DACT2: variants seen among roughly 807,000 people sequenced by gnomAD.
The protein encoded by DACT2 is dapper homolog 2.
A neutral mutation model predicts 22.2 loss-of-function variants in DACT2; 20 were observed. That is an observed-to-expected ratio of 0.90 (90% CI 0.63 to 1.31). DACT2 has a LOEUF of 1.31. Ranked by LOEUF, DACT2 falls within the 50% of genes most tolerant of loss-of-function variation. The probability of loss-of-function intolerance (pLI) is 0.00; values close to 1 mark genes in which losing one functional copy is unlikely to be tolerated. For synonymous variants in DACT2, 463 were observed against 479.8 expected (o/e 0.96, Z 0.46); for missense variants, 1,048 against 1,061.4 (o/e 0.99, Z 0.18).
At chr6:168,306,878 C>A, downstream of DACT2, 1 of 987,710 alleles carries the variant, frequency 1.0e-6, no homozygotes, top group Non-Finnish European at 1.2e-6. Flanking sequence ...TACCATGTGC[C>A]ACACAAGGAA....
chr6:168,294,647 G>A lies in DACT2; in HGVS notation c.716C>T (p.Ser239Phe), dbSNP rs1402717899. Residue 239 changes from serine (S) to phenylalanine (F), a missense_variant, in exon 4 of 6, where the codon TCC becomes TTC. By Grantham distance (155) the Ser-to-Phe change is radical. Transcript: ENST00000366796. Reference sequence around the variant, plus strand: ...TCCTTCCCTACCTGTCAGTGAACTGGAGGTGCAGCCTGCAGGCGGAGCATG... The same window carrying A: ...TCCTTCCCTACCTGTCAGTGAACTGAAGGTGCAGCCTGCAGGCGGAGCATG... The A allele has an allele frequency of 3.4e-6, 5 of 1,475,132 alleles. No homozygotes were observed. The African/African-American group carries it at 7.5e-5, about 22-fold the overall frequency. 91.4% of individuals were successfully genotyped at this position (1,475,132 alleles called of 1,614,324 possible).
chr6:168,314,439 C>T (rs1779496619), intron 1 of DACT2, among the ~76,000 whole-genome samples: 1 of 152,236 alleles, frequency 6.6e-6, no homozygotes, highest in African/African-American at 2.4e-5. Flanking sequence ...TTTCTTGAGA[C>T]TCTACCAGGT....
Position 168,311,286 on chromosome 6 carries a change from T to C in DACT2, c.247-2A>G. ...GATGTCCTGTTGTCTCAGCCGGGAC[T>C]GAGAAGGGAAAGAAGAGAAAGGGAA... is the stretch of plus-strand genomic sequence containing the variant. On this transcript the variant is annotated splice_acceptor_variant, in intron 1 of 3. Transcript: ENST00000366795. LOFTEE classifies it high-confidence loss of function. 1.9e-6 allele frequency: 3 copies of C among 1,541,164 alleles called. No individual in the cohort carries two copies. Among genetic ancestry groups the C allele is most frequent in the Non-Finnish European group, 2.6e-6 (3 of 1,138,146 alleles).
At chr6:168,306,175 T>G (rs1355132338), downstream of DACT2, among the ~76,000 whole-genome samples, 1 of 152,170 alleles carries the variant, frequency 6.6e-6, no homozygotes, top group Non-Finnish European at 1.5e-5. Flanking sequence ...ACTGGCTTCC[T>G]CCCAACGATC....
chr6:168,308,093 T>A lies in DACT2; in HGVS notation c.1664A>T (p.Glu555Val), dbSNP rs1359511161. The A allele has an allele frequency of 1.9e-6, 3 of 1,544,824 alleles. No individual in the cohort carries two copies. The highest frequency in any genetic ancestry group is 2.6e-6 in the Non-Finnish European group (3 of 1,143,296). ...GLQRRPALAW[E>V]APGRSCSEST... ...CTCAGAACAGGAGCGCCCGGGTGCC[T>A]CCCAGGCCAGGGCTGGCCTCCGCTG... The change falls in exon 4 of 4, where the codon GAG (glutamate) becomes GTG (valine). Residue 555 changes from glutamate (E) to valine (V), a missense_variant. By Grantham distance (121) the Glu-to-Val change is moderately radical. Coordinates refer to ENST00000366795, the MANE Select transcript of DACT2 (RefSeq NM_214462.5).
chr6:168,307,607 A>G lies in DACT2; in HGVS notation c.2150T>C (p.Leu717Pro). 1 of 1,548,882 alleles carries G rather than the reference A, an allele frequency of 6.5e-7. No individual in the cohort carries two copies. The highest frequency in any genetic ancestry group is 8.7e-7 in the Non-Finnish European group (1 of 1,145,448). ...GAQSRDCDLA[L>P]GYVAAGHAEL... ...CGCATGCCCGGCCGCCACATAGCCC[A>G]GTGCCAGGTCACAGTCCCTGCTCTG... The change falls in exon 4 of 4, where the codon CTG (leucine) becomes CCG (proline). Residue 717 changes from leucine (L) to proline (P), a missense_variant. Coordinates refer to ENST00000366795, the MANE Select transcript of DACT2 (RefSeq NM_214462.5). The surrounding 1 kb of genome is among the most constrained non-coding windows in gnomAD (Gnocchi z 5.3).
intron 3 of DACT2, chr6:168,294,763 C>T (rs1011587841): frequency 1.7e-5 from 12 of 704,824 alleles, no homozygotes; most frequent in African/African-American, 9.5e-5. Flanking sequence ...GCAGCTTCAA[C>T]GATTCTGCGA....
intron 3 of DACT2, among the ~76,000 whole-genome samples, chr6:168,301,713 C>T (rs1779108157): frequency 6.6e-6 from 1 of 152,326 alleles, no homozygotes; most frequent in Non-Finnish European, 1.5e-5. Context: ...TGTGTGTTCA[C>T]GGGAAGCTTC....
intron 4 of DACT2, chr6:168,294,315 G>C (rs971452803): frequency 4.3e-6 from 3 of 690,510 alleles, no homozygotes; most frequent in Non-Finnish European, 7.9e-6. Flanking sequence ...CAGAGGAAGG[G>C]GAAGAGGACG....
intron 4 of DACT2, chr6:168,294,347 T>A: frequency 1.5e-6 from 1 of 665,522 alleles, no homozygotes; most frequent in South Asian, 1.7e-5. Context: ...CCCCTCCTAG[T>A]CCTTCCCTAC....
chr6:168,311,218 T>G lies in DACT2; in HGVS notation c.313A>C (p.Lys105Gln), dbSNP rs1354841048. ...GCTGTGCCCACATCCAGCTGCAGCT[T>G]GCTAATCTGCAGGTCCAGCTGGTCC... Reference protein sequence around the residue: ...HLDQLDLQISKLQLDVGTASG... With the variant: ...HLDQLDLQISQLQLDVGTASG... The change falls in exon 2 of 4, where the codon AAG (lysine) becomes CAG (glutamine). Residue 105 changes from lysine (K) to glutamine (Q), a missense_variant. Physicochemically the swap from Lys to Gln is moderately conservative, Grantham distance 53 (BLOSUM62 1). Coordinates refer to ENST00000366795, the MANE Select transcript of DACT2 (RefSeq NM_214462.5). 1 of 1,550,540 alleles carries G rather than the reference T, an allele frequency of 6.4e-7. No individual in the cohort carries two copies. The highest frequency in any genetic ancestry group is 2.0e-5 in the Admixed American group (1 of 50,980).
intron 3 of DACT2, among the ~76,000 whole-genome samples, chr6:168,295,310 T>A (rs1778989791): frequency 6.6e-6 from 1 of 152,222 alleles, no homozygotes; most frequent in South Asian, 2.1e-4. Flanking sequence ...TGCTTTTGCT[T>A]CAGAACCTGG....
At position 168,308,819 on chromosome 6, in the gene DACT2, C is replaced by T. The variant is rs1411866425; in HGVS notation, c.938G>A (p.Gly313Asp). ...FPRESPRGPA[G>D]LNTIQTGPVL... ...CGGCCCAGTCTGGATGGTGTTCAGA[C>T]CTGCGGGGCCCCTGGGGCTCTCCCT... Residue 313 changes from glycine to aspartate, a missense_variant, in exon 4 of 4, where the codon GGT becomes GAT. Physicochemically the swap from Gly to Asp is moderately conservative, Grantham distance 94 (BLOSUM62 -1). Transcript: ENST00000366795. 3.2e-6 allele frequency: 5 copies of T among 1,551,368 alleles called. No homozygotes were observed. The highest frequency in any genetic ancestry group is 4.4e-6 in the Non-Finnish European group (5 of 1,146,980).
intron 3 of DACT2, among the ~76,000 whole-genome samples, chr6:168,301,586 C>T (rs1779105019): frequency 6.6e-6 from 1 of 152,184 alleles, no homozygotes; most frequent in Non-Finnish European, 1.5e-5. Flanking sequence ...TAATTTTTGT[C>T]CCTGCTTCCA....
At chr6:168,311,551 T>TCACACCCATAC (rs1779404091) in intron 1 of DACT2, among the ~76,000 whole-genome samples, 19 of 97,886 alleles carry the variant, frequency 1.9e-4, no homozygotes, top group Middle Eastern at 5.1e-3. Flanking sequence ...CACACACACA[T>TCACACCCATAC]ACACACACTC....
At chr6:168,310,942 G>A (rs189849203) in intron 2 of DACT2, among the ~76,000 whole-genome samples, 274 of 152,304 alleles carry the variant, frequency 1.8e-3, no homozygotes, top group Middle Eastern at 6.8e-3. Flanking sequence ...AAATAAGAGC[G>A]AGGTAGCCAA....
chr6:168,303,035 C>T (rs543312694), downstream of DACT2, among the ~76,000 whole-genome samples: 1 of 152,324 alleles, frequency 6.6e-6, no homozygotes, highest in African/African-American at 2.4e-5. Flanking sequence ...GGCACCATCA[C>T]ATTAAAGCCA....
intron 1 of DACT2, among the ~76,000 whole-genome samples, chr6:168,313,147 A>G (rs559781530): frequency 6.6e-6 from 1 of 152,268 alleles, no homozygotes; most frequent in Admixed American, 6.5e-5. Context: ...CCCGGGTTCA[A>G]GCCATTCTCT....
Position 168,308,925 on chromosome 6 carries a change from G to C in DACT2, c.832C>G (p.Pro278Ala), listed in dbSNP as rs1355579726. ...CTCTGTAGAGCCACGGCGTGCAGGGGGCTGGGGTACGGGTACACCTCCCTG... is the reference window on the plus strand; with the variant it reads ...CTCTGTAGAGCCACGGCGTGCAGGGCGCTGGGGTACGGGTACACCTCCCTG... ...GGREVYPYPSPLHAVALQSPL... is the reference protein window; with the variant it reads ...GGREVYPYPSALHAVALQSPL... Residue 278 changes from proline to alanine, a missense_variant, in exon 4 of 4, where the codon CCC becomes GCC. By Grantham distance (27) the Pro-to-Ala change is conservative. Transcript: ENST00000366795. 1.9e-6 allele frequency: 3 copies of C among 1,550,390 alleles called. No individual in the cohort carries two copies. The highest frequency in any genetic ancestry group is 2.6e-6 in the Non-Finnish European group (3 of 1,146,950).
Sources: gnomAD v4.1 joint callset for allele counts (sites outside exome capture counted in the v4.1 genomes callset) on GRCh38, gnomAD v4.1.1 for gene constraint, Gnocchi (gnomAD v3.1) non-coding constraint, MANE v1.5 for transcripts, NCBI Gene and HGNC (gene_info 2026-07-23, HGNC 2026-07-21) for gene names.